Variants in CABCOCO1 observed in about 807,000 individuals in gnomAD.
CABCOCO1 encodes ciliary-associated calcium-binding coiled-coil protein 1.
In CABCOCO1, 28 loss-of-function variants were observed where a neutral mutation model predicts 35.7. That is an observed-to-expected ratio of 0.78 (90% CI 0.58 to 1.07). The LOEUF is 1.07. CABCOCO1 is among the 50% of genes least tolerant of loss of function. The pLI is 0.00. For missense variants in CABCOCO1, 326 were observed against 309.2 expected (o/e 1.05, Z -0.41); for synonymous variants, 95 against 100.1 (o/e 0.95, Z 0.30).
chr10:61,724,525 T>C lies in CABCOCO1; in HGVS notation c.552+33904T>C, dbSNP rs919548012. On this transcript the variant is annotated intron_variant, in intron 5 of 7. Transcript: ENST00000648843. ...GGCATTCAAATTAATGATTGAAATA[T>C]GGAAAATGGGAAAACACTCCCATAT... is the stretch of plus-strand genomic sequence containing the variant. Among the ~76,000 whole-genome samples, 15 of 152,228 alleles carry C rather than the reference T, an allele frequency of 9.9e-5. No individual in the cohort carries two copies. The East Asian group carries it at 1.2e-3, about 12-fold the overall frequency.
chr10:61,667,407 C>T (rs549544092), intron 1 of CABCOCO1, among the ~76,000 whole-genome samples: 38 of 149,866 alleles, frequency 2.5e-4, no homozygotes, highest in Non-Finnish European at 4.6e-4. Flanking sequence ...TTTTTCTTGA[C>T]AAGTATGTCT....
chr10:61,694,430 A>G (rs1406448059), intron 5 of CABCOCO1, among the ~76,000 whole-genome samples: 4 of 151,476 alleles, frequency 2.6e-5, no homozygotes, highest in African/African-American at 7.3e-5. Flanking sequence ...GATTTAGTAA[A>G]TTGGCATGTA....
At chr10:61,683,618 G>C (rs994405554) in intron 3 of CABCOCO1, among the ~76,000 whole-genome samples, 3 of 152,100 alleles carry the variant, frequency 2.0e-5, no homozygotes, top group Non-Finnish European at 4.4e-5. Context: ...ATAAAGGTCA[G>C]TTATGAGGTA....
intron 2 of CABCOCO1, 100 bp downstream of exon 2, chr10:61,672,835 G>A (rs1289872888): frequency 3.8e-6 from 3 of 798,734 alleles, no homozygotes; most frequent in Non-Finnish European, 4.5e-6. Flanking sequence ...CACAATATTT[G>A]TTATGATATT....
intron 5 of CABCOCO1, among the ~76,000 whole-genome samples, chr10:61,691,318 A>C (rs1232748614): frequency 6.6e-6 from 1 of 152,196 alleles, no homozygotes; most frequent in Non-Finnish European, 1.5e-5. Flanking sequence ...AGTATAATGT[A>C]GGATACAGTA....
intron 5 of CABCOCO1, among the ~76,000 whole-genome samples, chr10:61,694,967 T>C (rs1282486847): frequency 6.6e-6 from 1 of 152,120 alleles, no homozygotes; most frequent in Non-Finnish European, 1.5e-5. Flanking sequence ...GTTGTTAACT[T>C]CCTCTGTAAA....
intron 5 of CABCOCO1, among the ~76,000 whole-genome samples, chr10:61,717,645 C>T (rs775531426): frequency 2.0e-5 from 3 of 151,960 alleles, no homozygotes; most frequent in Non-Finnish European, 4.4e-5. Context: ...GAGAATTATG[C>T]GATCTATTTG....
intron 7 of CABCOCO1, among the ~76,000 whole-genome samples, chr10:61,761,927 ACTCAGCCAAAGTC>A (rs1842017951): frequency 6.6e-6 from 1 of 152,122 alleles, no homozygotes; most frequent in Non-Finnish European, 1.5e-5. Flanking sequence ...GTGCCAACAG[ACTCAGCCAAAGTC>A]CTCAGCTTAA....
intron 5 of CABCOCO1, among the ~76,000 whole-genome samples, chr10:61,749,867 T>G (rs1205466249): frequency 2.0e-5 from 3 of 152,200 alleles, no homozygotes; most frequent in Non-Finnish European, 4.4e-5. Flanking sequence ...CAATAAAACC[T>G]TTCCTCCCAA....
rs935007254 is a variant in CABCOCO1, at chr10:61,702,372, G to A, written c.552+11751G>A. Among the ~76,000 whole-genome samples, 3 of 152,086 alleles carry A rather than the reference G, an allele frequency of 2.0e-5. No individual in the cohort carries two copies. The Middle Eastern group carries it at 9.5e-3, about 481-fold the overall frequency. ...AAAGTCCAAAATTTATGATCAGCTA[G>A]TCTTACTCTGGGTAGCAATTACTAA... On this transcript the variant is annotated intron_variant, in intron 5 of 7. Transcript: ENST00000648843.
intron 3 of CABCOCO1, chr10:61,685,470 T>G (rs1174644876): frequency 6.6e-6 from 1 of 152,218 alleles, no homozygotes; most frequent in Non-Finnish European, 1.5e-5. Context: ...AAGTACATTT[T>G]GAATTTTTTT....
chr10:61,742,566 C>G (rs1841572243), intron 5 of CABCOCO1, among the ~76,000 whole-genome samples: 3 of 152,160 alleles, frequency 2.0e-5, no homozygotes, highest in Admixed American at 1.3e-4. Flanking sequence ...GGCCTTGGAA[C>G]AGTAACATCA....
intron 2 of CABCOCO1, among the ~76,000 whole-genome samples, chr10:61,680,461 ATATATAATATATATTTATATATATAAC>A: frequency 2.4e-5 from 1 of 41,902 alleles, no homozygotes; most frequent in Non-Finnish European, 5.2e-5. Context: ...TATATATAAC[ATATATAATATATATTTATATATATAAC>A]ATATTATATG....
intron 4 of CABCOCO1, among the ~76,000 whole-genome samples, chr10:61,687,675 A>T (rs1840008273): frequency 6.6e-6 from 1 of 152,148 alleles, no homozygotes; most frequent in Non-Finnish European, 1.5e-5. Context: ...GAAAACAATT[A>T]AGTTAAGAGG....
chr10:61,729,053 G>T (rs1841232997), intron 5 of CABCOCO1, among the ~76,000 whole-genome samples: 1 of 152,148 alleles, frequency 6.6e-6, no homozygotes, highest in African/African-American at 2.4e-5. Context: ...GGGAAGACTA[G>T]AATAAACCAT....
chr10:61,739,178 A>C (rs778084783), intron 5 of CABCOCO1, among the ~76,000 whole-genome samples: 5 of 152,192 alleles, frequency 3.3e-5, no homozygotes, highest in Non-Finnish European at 7.3e-5. Flanking sequence ...CATTGGAGAG[A>C]AATTAACTCA....
chr10:61,706,152 C>T (rs1840587470), intron 5 of CABCOCO1, among the ~76,000 whole-genome samples: 1 of 152,092 alleles, frequency 6.6e-6, no homozygotes, highest in African/African-American at 2.4e-5. Flanking sequence ...CAACCCTTTC[C>T]ATTTCTTTAT....
At chr10:61,719,556 G>A (rs1234194124) in intron 5 of CABCOCO1, among the ~76,000 whole-genome samples, 1 of 152,100 alleles carries the variant, frequency 6.6e-6, no homozygotes, top group Admixed American at 6.5e-5. Context: ...CACTTGCACT[G>A]CTGATGAGCA....
chr10:61,760,442 T>C (rs981779783), intron 6 of CABCOCO1, among the ~76,000 whole-genome samples: 1 of 152,072 alleles, frequency 6.6e-6, no homozygotes, highest in African/African-American at 2.4e-5. Flanking sequence ...TGATCTGTCA[T>C]AACCCTCATG....
Sources: allele counts gnomAD v4.1 joint callset (sites outside exome capture counted in the v4.1 genomes callset), GRCh38; gene constraint gnomAD v4.1.1; transcripts MANE v1.5; gene names NCBI Gene and HGNC (gene_info 2026-07-23, HGNC 2026-07-21).